Variants in BCAS4 observed in about 807,000 individuals in gnomAD.
BCAS4 encodes breast carcinoma-amplified sequence 4.
BCAS4 carries 9 observed loss-of-function variants against 15.7 expected under a neutral mutation model. The ratio of observed to expected loss-of-function variants is 0.57; its 90% CI spans 0.34 to 1.00. BCAS4 has a LOEUF of 1.00. Among genes scored for constraint, BCAS4 ranks in the 50% least tolerant of loss-of-function variants. BCAS4 has a pLI of 0.02. For synonymous variants in BCAS4, 101 were observed against 99.5 expected (o/e 1.02, Z -0.09); for missense variants, 225 against 239.1 (o/e 0.94, Z 0.39).
chr20:50,803,318 G>A (rs984957747), intron 1 of BCAS4, among the ~76,000 whole-genome samples: 4 of 152,254 alleles, frequency 2.6e-5, no homozygotes, highest in African/African-American at 9.6e-5. Flanking sequence ...ATGCACAGCA[G>A]CGTTCAGCAC....
At chr20:50,829,040 G>A (rs2088312106) in intron 2 of BCAS4, among the ~76,000 whole-genome samples, 1 of 152,180 alleles carries the variant, frequency 6.6e-6, no homozygotes, top group African/African-American at 2.4e-5. Context: ...CTCATGGTGG[G>A]TAGAGCTAAA....
At chr20:50,808,203 C>T (rs549279217) in intron 1 of BCAS4, among the ~76,000 whole-genome samples, 69 of 152,208 alleles carry the variant, frequency 4.5e-4, no homozygotes, top group Non-Finnish European at 7.2e-4. Flanking sequence ...TGAGCCACCG[C>T]GCCCGGCTGT....
At chr20:50,862,184 CTTCCCCTCATT>C (rs1187751385) in intron 4 of BCAS4, among the ~76,000 whole-genome samples, 1 of 151,802 alleles carries the variant, frequency 6.6e-6, no homozygotes, top group African/African-American at 2.4e-5. Flanking sequence ...CTCTTCCCCA[CTTCCCCTCATT>C]TTCCCCTCCT....
At chr20:50,837,188 G>A (rs757206864) in intron 3 of BCAS4, among the ~76,000 whole-genome samples, 2 of 152,212 alleles carry the variant, frequency 1.3e-5, no homozygotes, top group Non-Finnish European at 2.9e-5. Context: ...TCACACAGGT[G>A]GGCAGTGGTA....
intron 1 of BCAS4, among the ~76,000 whole-genome samples, chr20:50,814,959 C>CA (rs1462927750): frequency 1.3e-5 from 2 of 151,970 alleles, no homozygotes; most frequent in African/African-American, 2.4e-5. Context: ...AATTAAAATA[C>CA]AAAAAAAGAG....
chr20:50,804,129 C>G (rs1016476057), intron 1 of BCAS4, among the ~76,000 whole-genome samples: 15 of 152,250 alleles, frequency 9.9e-5, no homozygotes, highest in African/African-American at 3.1e-4. Context: ...ACCTCTGCCT[C>G]CCGGGTTCAA....
chr20:50,864,729 C>A (rs1979272348), intron 4 of BCAS4, among the ~76,000 whole-genome samples: 1 of 151,824 alleles, frequency 6.6e-6, no homozygotes, highest in African/African-American at 2.4e-5. Context: ...TACCATTTAA[C>A]AGCAATTGTT....
intron 4 of BCAS4, among the ~76,000 whole-genome samples, chr20:50,874,956 A>G (rs1162816297): frequency 6.6e-6 from 1 of 152,122 alleles, no homozygotes; most frequent in Non-Finnish European, 1.5e-5. Context: ...GGTGGTGAGA[A>G]GGTCCCCTCC....
At chr20:50,832,222 C>T (rs923032320) in intron 3 of BCAS4, among the ~76,000 whole-genome samples, 7 of 151,536 alleles carry the variant, frequency 4.6e-5, no homozygotes, top group Non-Finnish European at 8.8e-5. Context: ...TGGCTCAGGA[C>T]GCTGCCCAAT....
chr20:50,852,883 C>T (rs1010841740), intron 4 of BCAS4, among the ~76,000 whole-genome samples: 1 of 152,148 alleles, frequency 6.6e-6, no homozygotes, highest in Non-Finnish European at 1.5e-5. Context: ...ACCCACCTCT[C>T]CCTGCCCAGC....
chr20:50,827,770 G>A (rs535412545), intron 2 of BCAS4, among the ~76,000 whole-genome samples: 17 of 152,134 alleles, frequency 1.1e-4, no homozygotes, highest in South Asian at 2.1e-4. Flanking sequence ...ACTGTCGCCC[G>A]GGCTGGAGTG....
chr20:50,812,144 T>A (rs541309211), intron 1 of BCAS4, among the ~76,000 whole-genome samples: 4 of 152,210 alleles, frequency 2.6e-5, no homozygotes, highest in African/African-American at 4.8e-5. Context: ...ATTTATTTAT[T>A]TTTTTTGAGA....
chr20:50,816,836 G>A (rs185245550), intron 1 of BCAS4, among the ~76,000 whole-genome samples: 125 of 114,726 alleles, frequency 1.1e-3, no homozygotes, highest in African/African-American at 4.0e-3. Context: ...ACGGAATCTC[G>A]CTCTGTCGCC....
rs1202589922 is a variant in BCAS4, at chr20:50,795,100, C to T, written c.17C>T (p.Ala6Val). MLLVDADQPEPMRSGA... is the reference protein window; with the variant it reads MLLVDVDQPEPMRSGA... ...GCCCTCCTGATGCTGCTCGTGGACG[C>T]TGATCAGCCGGAGCCCATGCGCAGC... The change falls in exon 1 of 5, where the codon GCT (alanine) becomes GTT (valine). Residue 6 changes from alanine to valine, a missense_variant. By Grantham distance (64) the Ala-to-Val change is moderately conservative. Transcript: ENST00000371608. 100 of 1,502,380 alleles carry T rather than the reference C, an allele frequency of 6.7e-5. No individual in the cohort carries two copies. Among genetic ancestry groups the T allele is most frequent in the Non-Finnish European group, 8.5e-5 (96 of 1,126,410 alleles). The allele number at this position is 1,502,380 out of a possible 1,614,324, so 93.1% of individuals were successfully genotyped here.
intron 1 of BCAS4, among the ~76,000 whole-genome samples, chr20:50,811,815 G>C (rs1024063248): frequency 6.6e-6 from 1 of 152,122 alleles, no homozygotes; most frequent in Non-Finnish European, 1.5e-5. Flanking sequence ...TAAAGATGGG[G>C]TTTTGCCATG....
chr20:50,819,332 G>A (rs1366690218), intron 2 of BCAS4, among the ~76,000 whole-genome samples: 1 of 152,172 alleles, frequency 6.6e-6, no homozygotes, highest in Non-Finnish European at 1.5e-5. Flanking sequence ...TGGGCTTGAG[G>A]TGTCTGCCTG....
chr20:50,836,317 C>G (rs558531373), intron 3 of BCAS4, among the ~76,000 whole-genome samples: 1 of 152,294 alleles, frequency 6.6e-6, no homozygotes, highest in African/African-American at 2.4e-5. Context: ...ACTCCAGAGC[C>G]AGAGAGCTGG....
chr20:50,802,863 G>T (rs1282820692), intron 1 of BCAS4, among the ~76,000 whole-genome samples: 1 of 151,994 alleles, frequency 6.6e-6, no homozygotes, highest in Non-Finnish European at 1.5e-5. Context: ...GACAGAGCCA[G>T]ACTCCATCTC....
chr20:50,836,222 G>A (rs1232242256), intron 3 of BCAS4, among the ~76,000 whole-genome samples: 2 of 152,132 alleles, frequency 1.3e-5, no homozygotes, highest in Admixed American at 6.5e-5. Context: ...GGCTGGTGAT[G>A]TATTTCCTAT....
Sources: allele counts gnomAD v4.1 joint callset (sites outside exome capture counted in the v4.1 genomes callset), GRCh38; gene constraint gnomAD v4.1.1; transcripts MANE v1.5; gene names NCBI Gene and HGNC (gene_info 2026-07-23, HGNC 2026-07-21).